POLR1C: variants seen among roughly 807,000 people sequenced by gnomAD.
POLR1C encodes the protein RNA polymerase I and III subunit C, also known as DNA-directed RNA polymerases I and III subunit RPAC1.
In POLR1C, 42 loss-of-function variants were observed where a neutral mutation model predicts 38.3. That is an observed-to-expected ratio of 1.10 (90% confidence interval 0.86 to 1.42). POLR1C has a LOEUF of 1.42. POLR1C is among the 40% of genes most tolerant of loss of function. The probability of loss-of-function intolerance (pLI) is 0.00; values close to 1 mark genes in which losing one functional copy is unlikely to be tolerated. For missense variants in POLR1C, 507 were observed against 450.5 expected (o/e 1.13, Z -1.14); for synonymous variants, 163 against 163.9 (o/e 0.99, Z 0.04).
chr6:43,560,897 T>C, intron 10 of POLR1C: 2 of 1,588,972 alleles, frequency 1.3e-6, no homozygotes, highest in South Asian at 2.2e-5. Context: ...AACTAAACTT[T>C]TGAGAAGTTA....
chr6:43,523,801 G>C (rs764731542), downstream of POLR1C: 5 of 1,612,896 alleles, frequency 3.1e-6, no homozygotes, highest in East Asian at 1.1e-4. Context: ...GAAGGGCCTA[G>C]AGATCGGCTA....
chr6:43,552,210 A>C (rs1795261253), intron 10 of POLR1C, among the ~76,000 whole-genome samples: 1 of 151,968 alleles, frequency 6.6e-6, no homozygotes, highest in Non-Finnish European at 1.5e-5. Context: ...GGCACCCATG[A>C]CCATGCCCGG....
At chr6:43,524,212 C>T (rs1239782471), downstream of POLR1C, among the ~76,000 whole-genome samples, 3 of 152,022 alleles carry the variant, frequency 2.0e-5, no homozygotes, top group African/African-American at 4.8e-5. Flanking sequence ...AGTAGCCAGA[C>T]GTGGTGGTGC....
downstream of POLR1C, chr6:43,522,754 C>T (rs1561860134): frequency 2.0e-6 from 1 of 491,370 alleles, no homozygotes; most frequent in South Asian, 1.5e-5. Flanking sequence ...TGTTTTTGTG[C>T]AGAGCACATG....
intron 8 of POLR1C, chr6:43,526,723 C>G (rs1208560050): frequency 6.2e-7 from 1 of 1,613,798 alleles, no homozygotes; most frequent in Non-Finnish European, 8.5e-7. Flanking sequence ...GTGGTCAGCA[C>G]CCTTCTTTGA....
chr6:43,534,385 G>A (rs1043131626), downstream of POLR1C, among the ~76,000 whole-genome samples: 1 of 152,182 alleles, frequency 6.6e-6, no homozygotes, highest in Non-Finnish European at 1.5e-5. Flanking sequence ...GAACACAGAG[G>A]AGGTGGTAAT....
downstream of POLR1C, chr6:43,524,516 C>G: frequency 6.2e-7 from 1 of 1,613,984 alleles, no homozygotes; most frequent in Non-Finnish European, 8.5e-7. Flanking sequence ...CCTTTCGGCG[C>G]TTGTCAGCCA....
At chr6:43,519,265 G>A (rs1793012082) in intron 2 of POLR1C, 68 bp from the exon 3 acceptor site, 2 of 927,918 alleles carry the variant, frequency 2.2e-6, no homozygotes, top group Non-Finnish European at 3.5e-6. Flanking sequence ...AATTATCTAA[G>A]GGGGAGGTAT....
chr6:43,535,045 C>T (rs1273262022), intron 9 of POLR1C, among the ~76,000 whole-genome samples: 3 of 151,482 alleles, frequency 2.0e-5, no homozygotes, highest in Non-Finnish European at 2.9e-5. Context: ...GTAATCCCAG[C>T]ACTTTGGGAG....
downstream of POLR1C, chr6:43,533,625 A>G (rs1435223394): frequency 8.6e-6 from 2 of 231,742 alleles, no homozygotes; most frequent in Non-Finnish European, 1.8e-5. Context: ...CTGCTTGATG[A>G]TAAGAGTTCA....
intron 9 of POLR1C, chr6:43,538,772 T>A: frequency 5.7e-6 from 2 of 347,846 alleles, no homozygotes; most frequent in Non-Finnish European, 9.6e-6. Context: ...TACATTTTTC[T>A]TTTTTTTTTT....
At chr6:43,546,596 G>C in intron 9 of POLR1C, 2 of 1,611,152 alleles carry the variant, frequency 1.2e-6, no homozygotes, top group Non-Finnish European at 1.7e-6. Flanking sequence ...AAATTGTCAA[G>C]AAGTTTCAGA....
At chr6:43,550,511 G>C (rs922562429) in intron 9 of POLR1C, among the ~76,000 whole-genome samples, 3 of 152,122 alleles carry the variant, frequency 2.0e-5, no homozygotes, top group Admixed American at 1.3e-4. Flanking sequence ...CTCCTCCAAT[G>C]ATGGTGATTC....
At chr6:43,542,722 A>C (rs1159801008) in intron 9 of POLR1C, among the ~76,000 whole-genome samples, 2 of 152,170 alleles carry the variant, frequency 1.3e-5, no homozygotes, top group African/African-American at 4.8e-5. Context: ...CACTGTGCCC[A>C]GCCAAAAAAT....
downstream of POLR1C, chr6:43,524,463 T>A (rs1793418888): frequency 1.2e-6 from 2 of 1,612,644 alleles, no homozygotes; most frequent in Non-Finnish European, 1.7e-6. Flanking sequence ...TGAAGGTGCA[T>A]GACCTACCCC....
Position 43,526,806 on chromosome 6 carries a change from A to C in POLR1C, c.923-2443A>C, listed in dbSNP as rs529141454. Reference sequence around the variant, plus strand: ...GTGGGTATATACTACCACAACAGCCACCTCAGGCCCACTGATCCCAACCTG... The same window carrying C: ...GTGGGTATATACTACCACAACAGCCCCCTCAGGCCCACTGATCCCAACCTG... On this transcript the variant is annotated intron_variant, in intron 8 of 8. Coordinates refer to the POLR1C transcript ENST00000304004. 5.7e-6 allele frequency: 9 copies of C among 1,565,420 alleles called. No individual in the cohort carries two copies. The African/African-American group carries it at 9.5e-5, about 16-fold the overall frequency.
chr6:43,519,825 G>T lies in POLR1C; in HGVS notation c.369G>T (p.Glu123Asp). Residue 123 changes from glutamate to aspartate, a missense_variant, in exon 4 of 9, where the codon GAG (glutamate) becomes GAT (aspartate). Transcript: ENST00000642195. ...TTCATGCTGATCCCCGTCTTTTTGA[G>T]TATCGGAACCAAGGTGAGAAAATGA... ...IPIHADPRLF[E>D]YRNQGDEEGT... 6.2e-7 allele frequency: 1 copy of T among 1,614,148 alleles called. No homozygotes were observed. The highest frequency in any genetic ancestry group is 1.7e-5 in the Admixed American group (1 of 60,018).
chr6:43,546,508 A>G (rs1481838392), intron 9 of POLR1C: 2 of 1,515,010 alleles, frequency 1.3e-6, no homozygotes, highest in African/African-American at 1.4e-5. Context: ...TAAACAGACT[A>G]AACTTTTGAA....
intron 10 of POLR1C, among the ~76,000 whole-genome samples, chr6:43,556,482 C>T (rs1335061366): frequency 1.4e-5 from 2 of 146,636 alleles, no homozygotes; most frequent in Non-Finnish European, 3.0e-5. Flanking sequence ...GCCATGATCG[C>T]AGCACCACTC....
Sources: allele counts gnomAD v4.1 joint callset (sites outside exome capture counted in the v4.1 genomes callset), GRCh38; gene constraint gnomAD v4.1.1; transcripts MANE v1.5; gene names NCBI Gene and HGNC (gene_info 2026-07-23, HGNC 2026-07-21).